DSCAM: variants seen among roughly 807,000 people sequenced by gnomAD.
DSCAM encodes cell adhesion molecule DSCAM.
A neutral mutation model predicts 217.7 loss-of-function variants in DSCAM; 47 were observed. The ratio of observed to expected loss-of-function variants is 0.22; its 90% confidence interval spans 0.17 to 0.28. DSCAM has a LOEUF of 0.28. Among genes scored for constraint, DSCAM ranks in the 10% least tolerant of loss-of-function variants. The pLI, the probability that DSCAM is intolerant of heterozygous loss-of-function variation, is 1.00. For missense variants in DSCAM, 2,080 were observed against 2,618.3 expected, an observed-to-expected ratio of 0.79 and a Z score of 4.49; for synonymous variants, 1,056 against 1,015.3, an observed-to-expected ratio of 1.04 and a Z score of -0.76.
chr21:40,731,735 C>CA (rs1352970922), intron 1 of DSCAM, among the ~76,000 whole-genome samples: 5 of 126,238 alleles, frequency 4.0e-5, no homozygotes, highest in Non-Finnish European at 6.8e-5. Context: ...TGCACCCCCC[C>CA]CCCCGCCCCC....
intron 4 of DSCAM, among the ~76,000 whole-genome samples, chr21:40,354,475 C>A (rs2074668823): frequency 6.6e-6 from 1 of 152,100 alleles, no homozygotes; most frequent in Non-Finnish European, 1.5e-5. Context: ...TCAAGTGATC[C>A]TCCTGCCTGG....
chr21:40,021,249 G>A (rs1444884706), intron 32 of DSCAM, among the ~76,000 whole-genome samples: 1 of 151,608 alleles, frequency 6.6e-6, no homozygotes, highest in African/African-American at 2.4e-5. Flanking sequence ...AGCTACGCAG[G>A]TCGGTAGACA....
intron 10 of DSCAM, among the ~76,000 whole-genome samples, chr21:40,281,785 A>G (rs1261815322): frequency 6.6e-6 from 1 of 151,976 alleles, no homozygotes; most frequent in Non-Finnish European, 1.5e-5. Flanking sequence ...GGCCATCTGT[A>G]TTTGTTCTTT....
At chr21:40,572,544 A>T (rs921430662) in intron 3 of DSCAM, among the ~76,000 whole-genome samples, 5 of 152,188 alleles carry the variant, frequency 3.3e-5, no homozygotes, top group Non-Finnish European at 5.9e-5. Flanking sequence ...AGATATTTGA[A>T]AATAAAATGT....
At chr21:40,171,820 G>C (rs59652278) in intron 15 of DSCAM, among the ~76,000 whole-genome samples, 1 of 151,920 alleles carries the variant, frequency 6.6e-6, no homozygotes, top group African/African-American at 2.4e-5. Flanking sequence ...TTTTTTCATA[G>C]GTTATCATCT....
At chr21:40,194,883 A>C (rs570450006) in intron 11 of DSCAM, among the ~76,000 whole-genome samples, 1 of 152,276 alleles carries the variant, frequency 6.6e-6, no homozygotes, top group East Asian at 1.9e-4. Context: ...GAAATTGGCG[A>C]GTGCTAGAAA....
chr21:40,323,080 G>A (rs2074277899), intron 8 of DSCAM, among the ~76,000 whole-genome samples: 1 of 152,072 alleles, frequency 6.6e-6, no homozygotes, highest in Admixed American at 6.6e-5. Flanking sequence ...GTGACTGATT[G>A]AGGAGCAATT....
intron 5 of DSCAM, among the ~76,000 whole-genome samples, chr21:40,350,877 CTTTTTT>C (rs10658416): frequency 1.6e-5 from 1 of 63,870 alleles, no homozygotes; most frequent in African/African-American, 6.5e-5. Context: ...ATAAGTCATA[CTTTTTT>C]TTTTTTTTTT....
intron 3 of DSCAM, among the ~76,000 whole-genome samples, chr21:40,575,570 A>G (rs8131278): frequency 0.065 from 9,962 of 152,252 alleles, 373 homozygotes; most frequent in South Asian, 0.15. Context: ...ATATTGTAAG[A>G]ATCAGATAAA....
At chr21:40,370,256 A>T (rs968294460) in intron 3 of DSCAM, among the ~76,000 whole-genome samples, 4 of 114,126 alleles carry the variant, frequency 3.5e-5, no homozygotes, top group East Asian at 3.7e-4. Context: ...CTTTTACTTT[A>T]AAAAAAAAAA....
chr21:40,095,635 A>G (rs759199015), intron 20 of DSCAM, among the ~76,000 whole-genome samples: 2 of 152,184 alleles, frequency 1.3e-5, no homozygotes, highest in Non-Finnish European at 2.9e-5. Context: ...TAAGGGTTGC[A>G]TAACTCTGTG....
intron 3 of DSCAM, among the ~76,000 whole-genome samples, chr21:40,438,098 G>A (rs1205073014): frequency 1.3e-5 from 2 of 152,206 alleles, no homozygotes; most frequent in African/African-American, 4.8e-5. Flanking sequence ...AGGACCAGGA[G>A]TCTGGGGACA....
chr21:40,282,626 G>T (rs1437887638), intron 10 of DSCAM, among the ~76,000 whole-genome samples: 12 of 142,628 alleles, frequency 8.4e-5, no homozygotes, highest in African/African-American at 2.3e-4. Context: ...AAAAAGATAG[G>T]TAATCTAAAA....
chr21:40,024,371 A>G lies in DSCAM; in HGVS notation c.5687-10985T>C, dbSNP rs1343370481. ...AATGCGGGCTCTTTTTTGGTTCCAT[A>G]TGAACTTTAAAGTAGTTTCTTCCAA... On this transcript the variant is annotated intron_variant, in intron 32 of 32. Transcript: ENST00000400454. 1.2e-4 allele frequency among the ~76,000 whole-genome samples: 9 copies of G among 76,820 alleles called. 2 individuals are homozygous for G. The highest frequency in any genetic ancestry group is 9.9e-4 in the South Asian group (2 of 2,014). The allele number at this position is 76,820 out of a possible 152,430, so 50.4% of individuals were successfully genotyped here.
chr21:40,572,909 A>G (rs1047223619), intron 3 of DSCAM, among the ~76,000 whole-genome samples: 1 of 152,200 alleles, frequency 6.6e-6, no homozygotes, highest in East Asian at 1.9e-4. Flanking sequence ...AATTTACATA[A>G]TTATCTCTAA....
intron 1 of DSCAM, among the ~76,000 whole-genome samples, chr21:40,791,874 T>C (rs2091648046): frequency 6.6e-6 from 1 of 152,064 alleles, no homozygotes. Flanking sequence ...TGAATGTAGA[T>C]TGACTTGGGG....
intron 3 of DSCAM, among the ~76,000 whole-genome samples, chr21:40,443,825 T>TC (rs1426485871): frequency 6.6e-6 from 1 of 152,226 alleles, no homozygotes; most frequent in African/African-American, 2.4e-5. Flanking sequence ...TTTAAAGTTT[T>TC]AATTATTCTA....
At chr21:40,505,022 T>C (rs1211024579) in intron 3 of DSCAM, among the ~76,000 whole-genome samples, 1 of 152,196 alleles carries the variant, frequency 6.6e-6, no homozygotes, top group African/African-American at 2.4e-5. Context: ...AAAGGAAGAC[T>C]GAGGCCACCA....
chr21:40,103,308 G>T (rs1435941470), intron 20 of DSCAM, among the ~76,000 whole-genome samples: 2 of 151,592 alleles, frequency 1.3e-5, no homozygotes, highest in Non-Finnish European at 2.9e-5. Flanking sequence ...TGATTTCATA[G>T]ATAGAATGTC....
Sources: allele counts gnomAD v4.1 joint callset (sites outside exome capture counted in the v4.1 genomes callset), GRCh38; gene constraint gnomAD v4.1.1; transcripts MANE v1.5; gene names NCBI Gene and HGNC (gene_info 2026-07-23, HGNC 2026-07-21).